The following BPTF variants were observed in gnomAD, a reference collection of about 807,000 sequenced individuals.
BPTF encodes bromodomain PHD finger transcription factor, also known as nucleosome-remodeling factor subunit BPTF.
A neutral mutation model predicts 292.5 loss-of-function variants in BPTF; 18 were observed. The observed-to-expected ratio is 0.06, with a 90% CI of 0.04 to 0.09. The LOEUF is 0.09. Ranked by LOEUF, BPTF falls within the 10% of genes least tolerant of loss-of-function variation. The pLI is 1.00. For synonymous variants in BPTF, 1,225 were observed against 1,251.9 expected (o/e 0.98, Z 0.45); for missense variants, 2,726 against 3,498.7 (o/e 0.78, Z 5.57).
chr17:67,863,703 A>T (rs1019056893), intron 2 of BPTF, among the ~76,000 whole-genome samples: 1 of 152,182 alleles, frequency 6.6e-6, no homozygotes, highest in Non-Finnish European at 1.5e-5. Flanking sequence ...TTAACTTTAC[A>T]TCTGCAAAGA....
Position 67,982,148 on chromosome 17 carries a change from A to G in BPTF, c.8727-104A>G, listed in dbSNP as rs782471963. On this transcript the variant is annotated intron_variant, in intron 27 of 27. Transcript: ENST00000306378. ...GCTTGCCAAGGGTGAATGAAAGAAC[A>G]TGGCTGCTTCTCCCAGACTGACTGA... is the stretch of plus-strand genomic sequence containing the variant. The G allele has an allele frequency of 7.2e-5, 74 of 1,028,902 alleles. No homozygotes were observed. The Middle Eastern group carries it at 1.0e-3, about 14-fold the overall frequency. 63.7% of individuals were successfully genotyped at this position (1,028,902 alleles called of 1,614,324 possible).
chr17:67,950,350 C>T (rs1389817217), intron 23 of BPTF, among the ~76,000 whole-genome samples: 2 of 151,878 alleles, frequency 1.3e-5, no homozygotes, highest in African/African-American at 4.8e-5. Context: ...CATTAGAGAT[C>T]TTCCAGTTAA....
At chr17:67,972,248 T>A (rs2068845422) in intron 26 of BPTF, among the ~76,000 whole-genome samples, 1 of 152,172 alleles carries the variant, frequency 6.6e-6, no homozygotes, top group Admixed American at 6.6e-5. Context: ...TTATTTTATT[T>A]TTTTTGAGAA....
chr17:67,950,051 C>CA (rs567911150), intron 23 of BPTF, among the ~76,000 whole-genome samples: 51,677 of 68,586 alleles, frequency 0.75, 20,576 homozygotes, highest in East Asian at 0.91. Context: ...GAGACTGTCT[C>CA]AAAAAAAAAA....
chr17:67,826,228 GGAC>G lies in BPTF; in HGVS notation c.510_512del (p.Asp172del). 1 of 1,613,820 alleles carries G rather than the reference GGAC, an allele frequency of 6.2e-7. No homozygotes were observed. Among genetic ancestry groups the G allele is most frequent in the South Asian group, 1.1e-5 (1 of 91,068 alleles). ...ACGACGAGGAGGATGAGATGGAAGA[GGAC>G]GACGATGACTCCGATTATCCGGAGG... On this transcript the variant is annotated inframe_deletion, in exon 1 of 28. Coordinates refer to ENST00000306378, the MANE Select transcript of BPTF (RefSeq NM_182641.4).
chr17:67,827,361 C>G (rs2056178215), intron 1 of BPTF, among the ~76,000 whole-genome samples: 1 of 152,150 alleles, frequency 6.6e-6, no homozygotes, highest in African/African-American at 2.4e-5. Flanking sequence ...CTTCTGTTTT[C>G]TCACAGAAAG....
intron 11 of BPTF, among the ~76,000 whole-genome samples, chr17:67,915,146 T>A (rs766450254): frequency 1.3e-5 from 2 of 152,234 alleles, no homozygotes; most frequent in Admixed American, 6.5e-5. Context: ...ATGTTAAGGC[T>A]GAGCAATATT....
chr17:67,977,831 G>A (rs2069714466), intron 27 of BPTF: 1 of 150,386 alleles, frequency 6.6e-6, no homozygotes, highest in African/African-American at 2.4e-5. Flanking sequence ...GCGACAGAGG[G>A]AGATTCCATC....
intron 12 of BPTF, among the ~76,000 whole-genome samples, chr17:67,919,094 C>T (rs531950053): frequency 2.8e-4 from 42 of 151,312 alleles, no homozygotes; most frequent in Non-Finnish European, 5.3e-4. Flanking sequence ...ATGGCGTGAA[C>T]CTGGGAGGCG....
intron 18 of BPTF, 38 bp downstream of exon 18, chr17:67,932,057 C>T (rs755893548): frequency 6.5e-7 from 1 of 1,530,112 alleles, no homozygotes; most frequent in African/African-American, 1.4e-5. Context: ...TACATCTCAA[C>T]AGCCAGTCTA....
chr17:67,879,494 C>CT (rs2145873064), intron 4 of BPTF, among the ~76,000 whole-genome samples: 1 of 152,270 alleles, frequency 6.6e-6, no homozygotes, highest in Non-Finnish European at 1.5e-5. Flanking sequence ...CTGGAGTTTT[C>CT]ACTGTGAGAA....
chr17:67,976,112 C>A, intron 27 of BPTF, 154 bp downstream of exon 27: 1 of 561,580 alleles, frequency 1.8e-6, no homozygotes. Context: ...GGGTTATGAT[C>A]TACTGCCAAG....
At chr17:67,861,149 A>G (rs979041329) in intron 2 of BPTF, among the ~76,000 whole-genome samples, 30 of 152,186 alleles carry the variant, frequency 2.0e-4, no homozygotes, top group African/African-American at 7.2e-4. Flanking sequence ...CTGTCCCACC[A>G]GCTGCTCAAG....
In BPTF at chr17:67,897,341, CAAAAAAAAAAAA is replaced by C. The variant is rs750678904; in HGVS notation, c.2543+3195_2543+3206del. On this transcript the variant is annotated intron_variant, in intron 7 of 27. Transcript: ENST00000306378. Reference sequence around the variant, plus strand: ...AGGCAACAAGAGTGAAACTCTGTCTCAAAAAAAAAAAAAAAAAAAAAAAAAAAAAAGTAAAGA... The same window carrying C: ...AGGCAACAAGAGTGAAACTCTGTCTCAAAAAAAAAAAAAAAAAAGTAAAGA... Among the ~76,000 whole-genome samples, 52 of 17,762 alleles carry C rather than the reference CAAAAAAAAAAAA, an allele frequency of 2.9e-3. 1 individual carries two copies. The highest frequency in any genetic ancestry group is 0.091 in the Middle Eastern group (2 of 22). The allele number at this position is 17,762 out of a possible 152,430, so 11.7% of individuals were successfully genotyped here.
chr17:67,968,505 G>A (rs1423718020), intron 26 of BPTF, among the ~76,000 whole-genome samples: 3 of 151,632 alleles, frequency 2.0e-5, no homozygotes, highest in African/African-American at 7.3e-5. Flanking sequence ...AAGGTCAGGT[G>A]CGGTGGCTCA....
At chr17:67,893,028 A>G (rs1321097347) in intron 5 of BPTF, among the ~76,000 whole-genome samples, 2 of 152,094 alleles carry the variant, frequency 1.3e-5, no homozygotes, top group African/African-American at 2.4e-5. Context: ...TCCCTTAAGT[A>G]TATGTTATAA....
At chr17:67,888,689 A>G (rs1268455003) in intron 4 of BPTF, among the ~76,000 whole-genome samples, 1 of 151,922 alleles carries the variant, frequency 6.6e-6, no homozygotes, top group African/African-American at 2.4e-5. Context: ...TTAACTGCCT[A>G]TGACACTCAT....
At chr17:67,876,437 T>C (rs1320286213) in intron 4 of BPTF, among the ~76,000 whole-genome samples, 2 of 152,140 alleles carry the variant, frequency 1.3e-5, no homozygotes, top group African/African-American at 2.4e-5. Flanking sequence ...GGGATGTAAG[T>C]GTAAGCTCCA....
chr17:67,952,433 T>G (rs1433906906), intron 23 of BPTF, among the ~76,000 whole-genome samples: 1 of 152,044 alleles, frequency 6.6e-6, no homozygotes, highest in Admixed American at 6.6e-5. Flanking sequence ...CCAGCTTTTT[T>G]TCTATTTTCA....
Sources: allele counts gnomAD v4.1 joint callset (sites outside exome capture counted in the v4.1 genomes callset), GRCh38; gene constraint gnomAD v4.1.1; transcripts MANE v1.5; gene names NCBI Gene and HGNC (gene_info 2026-07-23, HGNC 2026-07-21).